The following UGT2A2 variants were observed in gnomAD, a reference collection of about 807,000 sequenced individuals.
UGT2A2 encodes the protein UDP-glucuronosyltransferase 2A2.
In UGT2A2, 60 loss-of-function variants were observed where a neutral mutation model predicts 50.7. That is an observed-to-expected ratio of 1.18 (90% CI 0.96 to 1.47). The LOEUF (loss-of-function observed/expected upper bound fraction) is 1.47. UGT2A2 is among the 40% of genes most tolerant of loss of function. The pLI is 0.00. For missense variants in UGT2A2, 762 were observed against 634.0 expected, an observed-to-expected ratio of 1.20 and a Z score of -2.17; for synonymous variants, 242 against 214.6, an observed-to-expected ratio of 1.13 and a Z score of -1.11.
At chr4:69,594,030 A>G (rs1328610511) in intron 5 of UGT2A2, among the ~76,000 whole-genome samples, 2 of 135,694 alleles carry the variant, frequency 1.5e-5, no homozygotes, top group Non-Finnish European at 3.0e-5. Context: ...GCTGGAGTGC[A>G]GTGGCACAAT....
chr4:69,639,615 A>C lies in UGT2A2; in HGVS notation c.26T>G (p.Met9Arg), dbSNP rs756150470. 54 of 1,598,498 alleles carry C rather than the reference A, an allele frequency of 3.4e-5. No homozygotes were observed. Among genetic ancestry groups the C allele is most frequent in the Non-Finnish European group, 4.4e-5 (52 of 1,174,222 alleles). The change falls in exon 1 of 6, where the codon ATG (methionine) becomes AGG (arginine). Residue 9 changes from methionine (M) to arginine (R), a missense_variant. Transcript: ENST00000604629. ...CAGCATCTGGACAAACTTCTTAGGC[A>C]TGGTAAAATCCCTTATGGAAACCAT... MVSIRDFT[M>R]PKKFVQMLVF...
intron 1 of UGT2A2, among the ~76,000 whole-genome samples, chr4:69,634,715 T>A (rs996860646): frequency 6.6e-6 from 1 of 152,150 alleles, no homozygotes; most frequent in Non-Finnish European, 1.5e-5. Flanking sequence ...AAATTCATCA[T>A]CCTTTTATGA....
rs988374877 is a variant in UGT2A2, at chr4:69,588,672, G to A, written c.*700C>T. The A allele has an allele frequency of 1.3e-5, 2 of 151,838 alleles. No homozygotes were observed. Among genetic ancestry groups the A allele is most frequent in the African/African-American group, 2.4e-5 (1 of 41,320 alleles). 9.4% of individuals were successfully genotyped at this position (151,838 alleles called of 1,614,324 possible). On this transcript the variant is annotated 3_prime_UTR_variant, in exon 6 of 6. Coordinates refer to ENST00000604629, the MANE Select transcript of UGT2A2 (RefSeq NM_001105677.2). ...ACTTTCTCCTTGAAATAAAAGAGTC[G>A]ATTGATTGATTTATTAAAGACAGTA...
chr4:69,606,334 C>G (rs1577960123), intron 1 of UGT2A2, among the ~76,000 whole-genome samples: 1 of 136,582 alleles, frequency 7.3e-6, no homozygotes, highest in South Asian at 2.4e-4. Flanking sequence ...ACATGATTAT[C>G]TCAATAGATG....
At chr4:69,591,247 G>T (rs935370112) in intron 5 of UGT2A2, among the ~76,000 whole-genome samples, 15 of 152,152 alleles carry the variant, frequency 9.9e-5, no homozygotes, top group African/African-American at 3.6e-4. Context: ...GCCCAAGGTG[G>T]CTGGGGTGCA....
At chr4:69,618,630 A>G (rs1322267480) in intron 1 of UGT2A2, among the ~76,000 whole-genome samples, 4 of 151,956 alleles carry the variant, frequency 2.6e-5, no homozygotes, top group Admixed American at 1.3e-4. Context: ...AATTCCTGAA[A>G]CCCTCGATAC....
At chr4:69,596,436 A>C (rs753668491) in intron 2 of UGT2A2, 55 bp from the exon 3 acceptor site, 65 of 1,425,328 alleles carry the variant, frequency 4.6e-5, no homozygotes, top group Non-Finnish European at 4.9e-5. Flanking sequence ...AGAAAAAATA[A>C]GTTTACTTAC....
rs889029642 is a variant in UGT2A2 at position 69,588,673 on chromosome 4, A to T, written c.*699T>A. 2.0e-5 allele frequency: 3 copies of T among 152,058 alleles called. No individual in the cohort carries two copies. Among genetic ancestry groups the T allele is most frequent in the African/African-American group, 7.2e-5 (3 of 41,420 alleles). 9.4% of individuals were successfully genotyped at this position (152,058 alleles called of 1,614,324 possible). ...CTTTCTCCTTGAAATAAAAGAGTCG[A>T]TTGATTGATTTATTAAAGACAGTAC... On this transcript the variant is annotated 3_prime_UTR_variant, in exon 6 of 6. Coordinates refer to ENST00000604629, the MANE Select transcript of UGT2A2 (RefSeq NM_001105677.2).
intron 5 of UGT2A2, among the ~76,000 whole-genome samples, chr4:69,593,211 T>C: frequency 6.6e-6 from 1 of 152,060 alleles, no homozygotes; most frequent in Non-Finnish European, 1.5e-5. Flanking sequence ...CCATGTGAGA[T>C]AATCAGTCAA....
intron 1 of UGT2A2, among the ~76,000 whole-genome samples, chr4:69,602,462 TTTA>T (rs551497661): frequency 0.026 from 3,196 of 120,766 alleles, 627 homozygotes; most frequent in African/African-American, 0.038. Context: ...GATTTAGGAG[TTTA>T]TCTATCTATC....
intron 3 of UGT2A2, among the ~76,000 whole-genome samples, chr4:69,595,520 G>A (rs868330444): frequency 1.3e-5 from 2 of 152,108 alleles, no homozygotes; most frequent in African/African-American, 4.8e-5. Context: ...GAAATAGAAC[G>A]TAAACAGTAC....
chr4:69,623,293 G>T (rs1720856558), intron 1 of UGT2A2, among the ~76,000 whole-genome samples: 2 of 151,696 alleles, frequency 1.3e-5, no homozygotes, highest in Non-Finnish European at 2.9e-5. Flanking sequence ...TCTAGCCTAG[G>T]ATTACTACAA....
intron 1 of UGT2A2, among the ~76,000 whole-genome samples, chr4:69,636,974 T>A (rs1020930580): frequency 1.3e-5 from 2 of 152,158 alleles, no homozygotes; most frequent in African/African-American, 4.8e-5. Flanking sequence ...TTTTTGTATG[T>A]CTCTTATTTA....
chr4:69,593,811 G>A (rs545587696), intron 5 of UGT2A2, among the ~76,000 whole-genome samples: 37 of 151,562 alleles, frequency 2.4e-4, no homozygotes, highest in African/African-American at 7.0e-4. Flanking sequence ...ATTACTGAGC[G>A]TATTATCATT....
intron 1 of UGT2A2, among the ~76,000 whole-genome samples, chr4:69,613,065 G>A (rs971772243): frequency 1.3e-5 from 2 of 150,508 alleles, no homozygotes; most frequent in Non-Finnish European, 3.0e-5. Context: ...AAAAAAGACA[G>A]GCAAAAGACA....
chr4:69,636,499 T>G (rs1026734264), intron 1 of UGT2A2, among the ~76,000 whole-genome samples: 1 of 151,774 alleles, frequency 6.6e-6, no homozygotes, highest in African/African-American at 2.4e-5. Flanking sequence ...GATATTTAAT[T>G]TCTTAAATGA....
chr4:69,610,329 C>T (rs1719959583), intron 1 of UGT2A2, among the ~76,000 whole-genome samples: 1 of 151,894 alleles, frequency 6.6e-6, no homozygotes, highest in Admixed American at 6.6e-5. Flanking sequence ...TAGCATTTAC[C>T]CTCAGACATT....
chr4:69,597,893 C>T (rs539233712), intron 2 of UGT2A2, among the ~76,000 whole-genome samples: 5 of 151,980 alleles, frequency 3.3e-5, no homozygotes, highest in South Asian at 4.2e-4. Context: ...TTCCCAAAGC[C>T]TATATCGATA....
chr4:69,630,022 A>G (rs137907776), intron 1 of UGT2A2, among the ~76,000 whole-genome samples: 130 of 152,250 alleles, frequency 8.5e-4, no homozygotes, highest in African/African-American at 3.0e-3. Context: ...CACATGAAAA[A>G]TAATTTACTG....
Sources: allele counts gnomAD v4.1 joint callset (sites outside exome capture counted in the v4.1 genomes callset), GRCh38; gene constraint gnomAD v4.1.1; transcripts MANE v1.5; gene names NCBI Gene and HGNC (gene_info 2026-07-23, HGNC 2026-07-21).